DLGAP1: variants seen among roughly 807,000 people sequenced by gnomAD.
DLGAP1 encodes the protein disks large-associated protein 1.
Under a neutral mutation model 90.8 loss-of-function variants are expected in DLGAP1, and 11 were observed. The observed-to-expected ratio is 0.12, with a 90% CI of 0.08 to 0.20. The LOEUF (loss-of-function observed/expected upper bound fraction) is 0.20, where lower values mean the gene tolerates loss of function less well. DLGAP1 is among the 10% of genes least tolerant of loss of function. The probability of loss-of-function intolerance (pLI) is 1.00; values close to 1 mark genes in which losing one functional copy is unlikely to be tolerated. For synonymous variants in DLGAP1, 558 were observed against 540.7 expected, an observed-to-expected ratio of 1.03 and a Z score of -0.44; for missense variants, 1,050 against 1,333.8, an observed-to-expected ratio of 0.79 and a Z score of 3.31.
chr18:3,916,031 T>G (rs2072135922), intron 3 of DLGAP1, among the ~76,000 whole-genome samples: 1 of 152,196 alleles, frequency 6.6e-6, no homozygotes, highest in Non-Finnish European at 1.5e-5. Flanking sequence ...AGATTGACAC[T>G]GAATTATGGT....
intron 2 of DLGAP1, among the ~76,000 whole-genome samples, chr18:4,146,920 C>A (rs1172231159): frequency 6.6e-6 from 1 of 152,076 alleles, no homozygotes; most frequent in Middle Eastern, 3.4e-3. Context: ...AGGCATTGAG[C>A]CCAATTTCTG....
At chr18:4,337,442 C>T (rs1444503833) in intron 1 of DLGAP1, among the ~76,000 whole-genome samples, 1 of 152,094 alleles carries the variant, frequency 6.6e-6, no homozygotes, top group Non-Finnish European at 1.5e-5. Context: ...TCACCTGCCT[C>T]AGCCTTTCAA....
chr18:4,373,585 C>T (rs562042893), intron 1 of DLGAP1, among the ~76,000 whole-genome samples: 186 of 152,284 alleles, frequency 1.2e-3, no homozygotes, highest in Non-Finnish European at 2.2e-3. Flanking sequence ...TGCACATACA[C>T]GCATATGAAC....
At chr18:4,168,542 A>C (rs960632562) in intron 1 of DLGAP1, among the ~76,000 whole-genome samples, 6 of 152,154 alleles carry the variant, frequency 3.9e-5, no homozygotes, top group African/African-American at 1.4e-4. Context: ...CCATTAAACC[A>C]TAACTCCACA....
At chr18:3,895,659 A>T (rs2071604405) in intron 3 of DLGAP1, 1 of 152,278 alleles carries the variant, frequency 6.6e-6, no homozygotes, top group South Asian at 2.1e-4. Flanking sequence ...ACTGGGAATA[A>T]CGCATTGTTG....
At chr18:4,022,512 C>T (rs1054424359) in intron 2 of DLGAP1, among the ~76,000 whole-genome samples, 1 of 152,180 alleles carries the variant, frequency 6.6e-6, no homozygotes, top group East Asian at 1.9e-4. Flanking sequence ...TATCTTCTAA[C>T]TTTTCTTATT....
intron 1 of DLGAP1, among the ~76,000 whole-genome samples, chr18:4,315,679 A>C (rs1247632736): frequency 6.6e-6 from 1 of 152,232 alleles, no homozygotes; most frequent in Non-Finnish European, 1.5e-5. Context: ...ACTTAAACTA[A>C]TGAAAGCTAA....
At chr18:3,948,196 G>A (rs1057054348) in intron 3 of DLGAP1, among the ~76,000 whole-genome samples, 1 of 151,534 alleles carries the variant, frequency 6.6e-6, no homozygotes, top group African/African-American at 2.4e-5. Context: ...TCTTTTCCAG[G>A]CCAAAGACAT....
chr18:4,361,262 C>T (rs561356908), intron 1 of DLGAP1, among the ~76,000 whole-genome samples: 3 of 152,008 alleles, frequency 2.0e-5, no homozygotes, highest in Admixed American at 6.5e-5. Flanking sequence ...AAACACATTG[C>T]GCAGAAAATA....
At position 4,154,331 on chromosome 18, in the gene DLGAP1, CTTTT is replaced by C. The variant is rs994126647; in HGVS notation, c.-266-3048_-266-3045del. Among the ~76,000 whole-genome samples, 2 of 149,886 alleles carry C rather than the reference CTTTT, an allele frequency of 1.3e-5. 1 individual carries two copies. Among genetic ancestry groups the C allele is most frequent in the South Asian group, 4.2e-4 (2 of 4,730 alleles). On this transcript the variant is annotated intron_variant, in intron 1 of 12. Transcript: ENST00000315677. ...GTGATCCTCCTGCCTTGGCCTCCGC[CTTTT>C]TTTTTAAATAAAAAAAATTAAATTA...
chr18:4,230,677 A>G (rs1243209268), intron 1 of DLGAP1, among the ~76,000 whole-genome samples: 1 of 150,130 alleles, frequency 6.7e-6, no homozygotes, highest in African/African-American at 2.5e-5. Context: ...ATGGGTACAT[A>G]AATAGAAAGA....
chr18:3,712,800 C>T (rs1433188136), intron 7 of DLGAP1, among the ~76,000 whole-genome samples: 1 of 152,204 alleles, frequency 6.6e-6, no homozygotes, highest in African/African-American at 2.4e-5. Flanking sequence ...TTACTACTTT[C>T]TGTAGCTAGC....
intron 5 of DLGAP1, among the ~76,000 whole-genome samples, chr18:3,761,045 CTCTG>C (rs748140523): frequency 6.6e-6 from 1 of 152,154 alleles, no homozygotes; most frequent in Non-Finnish European, 1.5e-5. Context: ...CTGTCTGTCT[CTCTG>C]TCTTTCTCGT....
chr18:4,135,683 C>T (rs372748696), intron 2 of DLGAP1, among the ~76,000 whole-genome samples: 15 of 151,792 alleles, frequency 9.9e-5, no homozygotes, highest in African/African-American at 3.1e-4. Context: ...ATAGTTCCCA[C>T]AAATAAGTGA....
intron 7 of DLGAP1, among the ~76,000 whole-genome samples, chr18:3,699,696 T>C (rs961045380): frequency 6.6e-6 from 1 of 152,180 alleles, no homozygotes; most frequent in African/African-American, 2.4e-5. Context: ...TCTTCAGAGC[T>C]GTCAGACAGA....
At chr18:3,600,685 G>GATATAT (rs2056844837) in intron 7 of DLGAP1, among the ~76,000 whole-genome samples, 3 of 130,108 alleles carry the variant, frequency 2.3e-5, no homozygotes, top group Non-Finnish European at 4.6e-5. Context: ...GATATCTATA[G>GATATAT]AGATCTATAT....
intron 2 of DLGAP1, among the ~76,000 whole-genome samples, chr18:4,140,112 T>C (rs2076472115): frequency 6.6e-6 from 1 of 152,058 alleles, no homozygotes; most frequent in South Asian, 2.1e-4. Context: ...AATGTTATTA[T>C]TGATAAGTAA....
At chr18:3,541,297 A>G (rs1022160704) in intron 9 of DLGAP1, among the ~76,000 whole-genome samples, 4 of 152,206 alleles carry the variant, frequency 2.6e-5, no homozygotes, top group Non-Finnish European at 5.9e-5. Flanking sequence ...AGAAAAGGAA[A>G]AGAAAAGAAA....
At chr18:4,103,178 G>T (rs574163271) in intron 2 of DLGAP1, among the ~76,000 whole-genome samples, 81 of 151,968 alleles carry the variant, frequency 5.3e-4, no homozygotes, top group African/African-American at 1.8e-3. Flanking sequence ...TCCTCTTTTA[G>T]ATACATTTTT....
Sources: gnomAD v4.1 joint callset for allele counts (sites outside exome capture counted in the v4.1 genomes callset) on GRCh38, gnomAD v4.1.1 for gene constraint, MANE v1.5 for transcripts, NCBI Gene and HGNC (gene_info 2026-07-23, HGNC 2026-07-21) for gene names.